Variants in AMOT observed in about 807,000 individuals in gnomAD.
AMOT encodes angiomotin.
Under a neutral mutation model 67.0 loss-of-function variants are expected in AMOT, and 11 were observed. The ratio of observed to expected loss-of-function variants is 0.16; its 90% confidence interval spans 0.10 to 0.27. The LOEUF (loss-of-function observed/expected upper bound fraction) is 0.27, where lower values mean the gene tolerates loss of function less well. Ranked by LOEUF, AMOT falls within the 10% of genes least tolerant of loss-of-function variation. The probability of loss-of-function intolerance (pLI) is 1.00; values close to 1 mark genes in which losing one functional copy is unlikely to be tolerated. For missense variants in AMOT, 753 were observed against 852.0 expected (o/e 0.88, Z 1.45); for synonymous variants, 326 against 321.4 (o/e 1.01, Z -0.15).
chrX:112,832,987 T>C (rs1458819511), intron 1 of AMOT, among the ~76,000 whole-genome samples: 1 of 112,126 alleles, frequency 8.9e-6, no homozygotes, highest in Admixed American at 9.4e-5. Context: ...CTGCCTTGCC[T>C]GAGGTGCCAC....
intron 10 of AMOT, among the ~76,000 whole-genome samples, chrX:112,784,863 A>G (rs947812494): frequency 1.1e-4 from 12 of 112,044 alleles, no homozygotes; most frequent in African/African-American, 3.9e-4. Context: ...CACTGGGGGA[A>G]CTAGTGCTGG....
At chrX:112,790,325 C>A (rs1189734672) in intron 10 of AMOT, among the ~76,000 whole-genome samples, 25 of 109,928 alleles carry the variant, frequency 2.3e-4, no homozygotes, top group Admixed American at 2.3e-3. Flanking sequence ...TGCAAATTTT[C>A]AGCTGATCCC....
chrX:112,828,183 G>A (rs1225864232), intron 2 of AMOT, among the ~76,000 whole-genome samples: 1 of 109,866 alleles, frequency 9.1e-6, no homozygotes, highest in East Asian at 2.8e-4. Context: ...ACTTCATTTA[G>A]GATGTGAAAA....
chrX:112,838,133 T>C (rs1274766895), intron 1 of AMOT, among the ~76,000 whole-genome samples: 1 of 111,219 alleles, frequency 9.0e-6, no homozygotes, highest in Non-Finnish European at 1.9e-5. Context: ...TATCCTCTAT[T>C]CCTCCTCATT....
chrX:112,779,549 C>G lies in AMOT; in HGVS notation c.2605G>C (p.Gly869Arg). 2.5e-6 allele frequency: 3 copies of G among 1,211,254 alleles called. No individual in the cohort carries two copies. The highest frequency in any genetic ancestry group is 3.4e-6 in the Non-Finnish European group (3 of 895,462). Reference protein sequence around the residue: ...SRDCSTQTERGTESNKTAAVA... With the variant: ...SRDCSTQTERRTESNKTAAVA... The stretch of plus-strand genomic sequence containing the variant: ...GCTGCAGTTTTGTTCGATTCCGTCC[C>G]ACGTTCAGTTTGGGTACTGCAGTCT... The change falls in exon 13 of 14, where the codon GGG becomes CGG. Residue 869 changes from glycine (G) to arginine (R), a missense_variant. Physicochemically the swap from Gly to Arg is moderately radical, Grantham distance 125. Transcript: ENST00000371959.
intron 8 of AMOT, among the ~76,000 whole-genome samples, chrX:112,803,139 G>A (rs750535623): frequency 6.3e-5 from 7 of 111,788 alleles, no homozygotes; most frequent in Non-Finnish European, 1.3e-4. Context: ...CTTAAAAGAT[G>A]CAGAGGTTAC....
rs1261231270 is a variant in AMOT, at chrX:112,809,823, C to G, written c.1630+71G>C. Reference sequence around the variant, plus strand: ...GGCTGTTCTAAAAGGCTAAAGAGAACAGTGTAATCTTTTCACGCACCTTGC... The same window carrying G: ...GGCTGTTCTAAAAGGCTAAAGAGAAGAGTGTAATCTTTTCACGCACCTTGC... On this transcript the variant is annotated intron_variant, in intron 7 of 13. Transcript: ENST00000371959. The G allele has an allele frequency of 2.2e-6, 2 of 900,373 alleles. 1 individual carries two copies. The highest frequency in any genetic ancestry group is 3.9e-5 in the African/African-American group (2 of 50,972). 74.2% of individuals were successfully genotyped at this position (900,373 alleles called of 1,213,427 possible).
At chrX:112,790,822 G>A (rs757487678) in intron 9 of AMOT, 40 bp from the exon 10 acceptor site, 484 of 1,095,714 alleles carry the variant, frequency 4.4e-4, no homozygotes, top group Non-Finnish European at 5.5e-4. Context: ...GTTAGTGAGA[G>A]AAGAACCATG....
intron 2 of AMOT, among the ~76,000 whole-genome samples, chrX:112,830,621 G>A (rs923423776): frequency 1.8e-5 from 2 of 111,871 alleles, no homozygotes; most frequent in Non-Finnish European, 3.8e-5. Context: ...TTTCCACCAG[G>A]GCAGAGCAGG....
intron 1 of AMOT, among the ~76,000 whole-genome samples, chrX:112,839,515 G>T (rs1277893902): frequency 9.0e-6 from 1 of 111,603 alleles, no homozygotes; most frequent in Non-Finnish European, 1.9e-5. Flanking sequence ...TGGCGGGGAG[G>T]GAGGAGAACT....
intron 2 of AMOT, among the ~76,000 whole-genome samples, chrX:112,831,880 G>A (rs1934998529): frequency 1.8e-5 from 2 of 110,675 alleles, no homozygotes; most frequent in East Asian, 2.8e-4. Context: ...AATGTGGGAG[G>A]GAAAGAAATT....
At chrX:112,779,943 G>A (rs918936211) in intron 12 of AMOT, among the ~76,000 whole-genome samples, 1 of 110,813 alleles carries the variant, frequency 9.0e-6, no homozygotes, top group South Asian at 3.8e-4. Context: ...TACAGACTTC[G>A]AGGATCCCTT....
chrX:112,825,715 G>A (rs974186317), intron 2 of AMOT, among the ~76,000 whole-genome samples: 7 of 110,528 alleles, frequency 6.3e-5, no homozygotes, highest in Admixed American at 9.7e-5. Context: ...AGCTCAGATA[G>A]GTGGAGGGGA....
At chrX:112,820,414 A>G (rs1934683577) in intron 4 of AMOT, among the ~76,000 whole-genome samples, 1 of 110,587 alleles carries the variant, frequency 9.0e-6, no homozygotes, top group African/African-American at 3.3e-5. Context: ...GAAGAAAAGG[A>G]AAAAAAAAGA....
At chrX:112,830,737 T>G (rs1934967185) in intron 2 of AMOT, among the ~76,000 whole-genome samples, 1 of 111,765 alleles carries the variant, frequency 8.9e-6, no homozygotes, top group Non-Finnish European at 1.9e-5. Context: ...TTGCATGCAC[T>G]TGCCCCAAAT....
rs968416865 is a variant in AMOT at position 112,822,294 on chromosome X, A to G, written c.833T>C (p.Leu278Pro). Residue 278 changes from leucine to proline, a missense_variant, in exon 4 of 14, where the codon CTG (leucine) becomes CCG (proline). Leu to Pro is a moderately conservative substitution (Grantham distance 98). Coordinates refer to ENST00000371959, the MANE Select transcript of AMOT (RefSeq NM_001113490.2). ...CTCAGGGGGATGCTGATACCTCATC[A>G]GTTGCCCCTCTGTTCTCCCTGGCTG... ...LNQPGRTEGQ[L>P]MRYQHPPEYG... 1.9e-5 allele frequency: 21 copies of G among 1,114,578 alleles called. No individual in the cohort carries two copies. The Middle Eastern group carries it at 7.4e-4, about 39-fold the overall frequency. The allele number at this position is 1,114,578 out of a possible 1,213,427, so 91.9% of individuals were successfully genotyped here.
intron 10 of AMOT, among the ~76,000 whole-genome samples, chrX:112,789,639 C>A (rs1210613779): frequency 9.0e-6 from 1 of 110,833 alleles, no homozygotes; most frequent in Non-Finnish European, 1.9e-5. Context: ...ATATCCCAAC[C>A]CAAAGTCTGG....
intron 7 of AMOT, among the ~76,000 whole-genome samples, chrX:112,805,929 CTTTAAGCCTATTAGAG>C (rs1602789094): frequency 1.8e-5 from 2 of 111,589 alleles, no homozygotes; most frequent in African/African-American, 6.5e-5. Flanking sequence ...CCTTTTCTCC[CTTTAAGCCTATTAGAG>C]TTTGAAAGTT....
intron 10 of AMOT, among the ~76,000 whole-genome samples, chrX:112,786,001 C>T (rs981611277): frequency 3.6e-5 from 4 of 112,177 alleles, no homozygotes; most frequent in African/African-American, 1.3e-4. Flanking sequence ...GTGAAAGTGA[C>T]TTAAGAATTG....
Sources: gnomAD v4.1 joint callset for allele counts (sites outside exome capture counted in the v4.1 genomes callset) on GRCh38, gnomAD v4.1.1 for gene constraint, MANE v1.5 for transcripts, NCBI Gene and HGNC (gene_info 2026-07-23, HGNC 2026-07-21) for gene names.